CACNB2: variants seen among roughly 807,000 people sequenced by gnomAD.
CACNB2 encodes the protein calcium voltage-gated channel auxiliary subunit beta 2.
In CACNB2, 42 loss-of-function variants were observed where a neutral mutation model predicts 73.3. The observed-to-expected ratio is 0.57, with a 90% CI of 0.45 to 0.74. The LOEUF (loss-of-function observed/expected upper bound fraction) is 0.74. Among genes scored for constraint, CACNB2 ranks in the 30% least tolerant of loss-of-function variants. CACNB2 has a pLI of 0.00. For synonymous variants in CACNB2, 348 were observed against 310.3 expected (o/e 1.12, Z -1.28); for missense variants, 940 against 853.0 (o/e 1.10, Z -1.27).
Position 18,438,726 on chromosome 10 carries a change from A to G in CACNB2, c.333+36683A>G, listed in dbSNP as rs140776963. Among the ~76,000 whole-genome samples, 502 of 152,364 alleles carry G rather than the reference A, an allele frequency of 3.3e-3. 10 individuals are homozygous for G. Among genetic ancestry groups the G allele is most frequent in the East Asian group, 1.7e-3 (9 of 5,190 alleles). On this transcript the variant is annotated intron_variant, in intron 3 of 13. Coordinates refer to ENST00000324631, the MANE Select transcript of CACNB2 (RefSeq NM_201596.3). ...ACGAAGGTTTGCTTTGCTTTAAAACATCAATTCCTTGATCCCAGTTCTGTT... is the reference window on the plus strand; with the variant it reads ...ACGAAGGTTTGCTTTGCTTTAAAACGTCAATTCCTTGATCCCAGTTCTGTT...
At chr10:18,473,743 T>A (rs1461837107) in intron 3 of CACNB2, among the ~76,000 whole-genome samples, 1 of 152,182 alleles carries the variant, frequency 6.6e-6, no homozygotes, top group African/African-American at 2.4e-5. Context: ...ACTTTACAGT[T>A]GTGTTTGCTT....
At chr10:18,489,466 G>A (rs113208551) in intron 3 of CACNB2, among the ~76,000 whole-genome samples, 1,863 of 135,982 alleles carry the variant, frequency 0.014, 40 homozygotes, top group African/African-American at 0.048. Context: ...TTCAGAGAAA[G>A]GATCTTGCAA....
chr10:18,379,054 C>A, intron 2 of CACNB2, among the ~76,000 whole-genome samples: 1 of 152,064 alleles, frequency 6.6e-6, no homozygotes, highest in East Asian at 1.9e-4. Context: ...AGAATTTCTT[C>A]TGTGTGTCAG....
intron 2 of CACNB2, among the ~76,000 whole-genome samples, chr10:18,156,178 T>C (rs2032032031): frequency 6.6e-6 from 1 of 152,242 alleles, no homozygotes. Context: ...TTGTATAGTT[T>C]AGTTAGGTAA....
chr10:18,435,836 C>T (rs1434716641), intron 3 of CACNB2, among the ~76,000 whole-genome samples: 2 of 151,872 alleles, frequency 1.3e-5, no homozygotes, highest in Non-Finnish European at 2.9e-5. Context: ...GTTTGTTTAT[C>T]CTGAAACTTT....
chr10:18,407,295 T>C (rs2044351966), intron 3 of CACNB2, among the ~76,000 whole-genome samples: 1 of 151,670 alleles, frequency 6.6e-6, no homozygotes, highest in South Asian at 2.1e-4. Context: ...ATAATTTTTG[T>C]ATTTTTAGTA....
chr10:18,463,612 T>C lies in CACNB2; in HGVS notation c.334-34743T>C, dbSNP rs571271100. Among the ~76,000 whole-genome samples, 288 of 151,838 alleles carry C rather than the reference T, an allele frequency of 1.9e-3. 2 individuals are homozygous for C. The highest frequency in any genetic ancestry group is 6.7e-3 in the African/African-American group (277 of 41,454). On this transcript the variant is annotated intron_variant, in intron 3 of 13. Coordinates refer to ENST00000324631, the MANE Select transcript of CACNB2 (RefSeq NM_201596.3). ...TTTTTTTTGTTGTTTTTTGTTTTTTTTTTGTAGAGATGGGGTTTTGCCATG... is the reference window on the plus strand; with the variant it reads ...TTTTTTTTGTTGTTTTTTGTTTTTTCTTTGTAGAGATGGGGTTTTGCCATG...
chr10:18,398,952 A>G (rs144111887), intron 2 of CACNB2, among the ~76,000 whole-genome samples: 1 of 152,206 alleles, frequency 6.6e-6, no homozygotes, highest in South Asian at 2.1e-4. Context: ...GAATATTAGC[A>G]AAGGACTTTT....
At chr10:18,405,278 C>A (rs908546128) in intron 3 of CACNB2, among the ~76,000 whole-genome samples, 1 of 152,198 alleles carries the variant, frequency 6.6e-6, no homozygotes, top group Non-Finnish European at 1.5e-5. Context: ...CCAACCATCT[C>A]CCTGTCCCCA....
chr10:18,276,571 G>A (rs950640211), intron 2 of CACNB2, among the ~76,000 whole-genome samples: 7 of 149,494 alleles, frequency 4.7e-5, no homozygotes, highest in African/African-American at 1.5e-4. Context: ...GCTTTGGGAG[G>A]CCAAGGCAAA....
Position 18,515,128 on chromosome 10 carries a change from A to G in CACNB2, c.804+759A>G, listed in dbSNP as rs112652008. On this transcript the variant is annotated intron_variant, in intron 7 of 13. Transcript: ENST00000324631. ...CAGATTTTACCATCTCACCCTTTGGACAGTGCAGCCAGTGGTCATGCGTAG... is the reference window on the plus strand; with the variant it reads ...CAGATTTTACCATCTCACCCTTTGGGCAGTGCAGCCAGTGGTCATGCGTAG... 9.6e-5 allele frequency: 104 copies of G among 1,083,844 alleles called. No individual in the cohort carries two copies. The African/African-American group carries it at 1.4e-3, about 14-fold the overall frequency. The allele number at this position is 1,083,844 out of a possible 1,614,324, so 67.1% of individuals were successfully genotyped here.
chr10:18,162,920 A>G (rs1468393152), intron 2 of CACNB2, among the ~76,000 whole-genome samples: 1 of 152,166 alleles, frequency 6.6e-6, no homozygotes, highest in Non-Finnish European at 1.5e-5. Flanking sequence ...TGTTTCTGGG[A>G]TGGTAAATAC....
chr10:18,421,534 A>C (rs2132722449), intron 3 of CACNB2, among the ~76,000 whole-genome samples: 1 of 152,238 alleles, frequency 6.6e-6, no homozygotes, highest in South Asian at 2.1e-4. Flanking sequence ...TCCCGACCTC[A>C]GGTGATCCAC....
intron 2 of CACNB2, among the ~76,000 whole-genome samples, chr10:18,265,011 C>T (rs2037726167): frequency 6.6e-6 from 1 of 152,176 alleles, no homozygotes; most frequent in Non-Finnish European, 1.5e-5. Context: ...CTCCCCCCTA[C>T]ACCTAGTATT....
chr10:18,372,392 G>T (rs1189224065), intron 2 of CACNB2, among the ~76,000 whole-genome samples: 1 of 152,100 alleles, frequency 6.6e-6, no homozygotes, highest in Non-Finnish European at 1.5e-5. Flanking sequence ...AAGGTATAAG[G>T]AAGGGGTCCA....
At chr10:18,211,992 A>G (rs1454267226) in intron 2 of CACNB2, among the ~76,000 whole-genome samples, 3 of 152,156 alleles carry the variant, frequency 2.0e-5, no homozygotes, top group African/African-American at 2.4e-5. Flanking sequence ...TGACATATGT[A>G]GAAAATAATA....
rs992393946 is a variant in CACNB2, at chr10:18,290,112, C to CTTTTTTTTTTTTTTTTTTTTTTT, written c.214-111807_214-111785dup. Among the ~76,000 whole-genome samples, 11 of 50,134 alleles carry CTTTTTTTTTTTTTTTTTTTTTTT rather than the reference C, an allele frequency of 2.2e-4. 1 individual carries two copies. The highest frequency in any genetic ancestry group is 6.6e-4 in the East Asian group (1 of 1,524). The allele number at this position is 50,134 out of a possible 152,430, so 32.9% of individuals were successfully genotyped here. ...TAAAGTTTTTTTCTTTTTTCTTTTT[C>CTTTTTTTTTTTTTTTTTTTTTTT]TTTTTTTTTTTTTTTTTTTTTTTTT... On this transcript the variant is annotated intron_variant, in intron 2 of 13. Coordinates refer to ENST00000324631, the MANE Select transcript of CACNB2 (RefSeq NM_201596.3).
At chr10:18,400,836 AT>A in intron 2 of CACNB2, 2 of 1,459,900 alleles carry the variant, frequency 1.4e-6, no homozygotes, top group Non-Finnish European at 1.8e-6. Context: ...CCCTCCTGGA[AT>A]GGGAAAATAA....
At chr10:18,358,290 G>T (rs1316797159) in intron 2 of CACNB2, among the ~76,000 whole-genome samples, 1 of 152,134 alleles carries the variant, frequency 6.6e-6, no homozygotes, top group South Asian at 2.1e-4. Flanking sequence ...TTTTCACCAT[G>T]TTGGCCAGGC....
Sources: gnomAD v4.1 joint callset for allele counts (sites outside exome capture counted in the v4.1 genomes callset) on GRCh38, gnomAD v4.1.1 for gene constraint, MANE v1.5 for transcripts, NCBI Gene and HGNC (gene_info 2026-07-23, HGNC 2026-07-21) for gene names.